The following OR6N1 variants were observed in gnomAD, a reference collection of about 807,000 sequenced individuals.
OR6N1 encodes olfactory receptor family 6 subfamily N member 1, also known as olfactory receptor 6N1.
For missense variants in OR6N1, 394 were observed against 371.7 expected (o/e 1.06, Z -0.49); for synonymous variants, 170 against 150.7 (o/e 1.13, Z -0.94).
At chr1:158,772,526 A>G (rs187358245), upstream of OR6N1, among the ~76,000 whole-genome samples, 1 of 152,360 alleles carries the variant, frequency 6.6e-6, no homozygotes, top group East Asian at 1.9e-4. Context: ...TAAGCATACA[A>G]CTTTCAATTA....
intron 1 of OR6N1, among the ~76,000 whole-genome samples, chr1:158,768,805 A>C (rs1424683673): frequency 1.3e-5 from 2 of 152,060 alleles, no homozygotes; most frequent in Non-Finnish European, 2.9e-5. Flanking sequence ...CCATCCTTAC[A>C]TCCATATTCT....
At chr1:158,781,587 ATT>A in the OR6N1 span, among the ~76,000 whole-genome samples, 2 of 152,150 alleles carry the variant, frequency 1.3e-5, no homozygotes, top group Non-Finnish European at 2.9e-5. Context: ...GCACTCTCAC[ATT>A]TCTTGACTCA....
chr1:158,838,625 T>C, the OR6N1 span, among the ~76,000 whole-genome samples: 3 of 152,244 alleles, frequency 2.0e-5, no homozygotes, highest in African/African-American at 7.2e-5. Context: ...CATTTAGTCT[T>C]TTCTCAAATT....
chr1:158,833,187 C>T, the OR6N1 span, among the ~76,000 whole-genome samples: 2 of 152,128 alleles, frequency 1.3e-5, no homozygotes, highest in Admixed American at 6.5e-5. Context: ...CTTGATCTTT[C>T]TTCCCTTTTG....
the OR6N1 span, among the ~76,000 whole-genome samples, chr1:158,837,030 T>C: frequency 6.6e-6 from 1 of 151,906 alleles, no homozygotes; most frequent in Non-Finnish European, 1.5e-5. Context: ...TGTTGATTTC[T>C]ACTTTTATTC....
chr1:158,791,500 T>G, the OR6N1 span, among the ~76,000 whole-genome samples: 2 of 147,744 alleles, frequency 1.4e-5, no homozygotes, highest in Non-Finnish European at 3.0e-5. Context: ...AGACAGAGTC[T>G]CACTCTGTCA....
chr1:158,783,342 G>C, the OR6N1 span, among the ~76,000 whole-genome samples: 1 of 152,066 alleles, frequency 6.6e-6, no homozygotes, highest in African/African-American at 2.4e-5. Flanking sequence ...TCTTAGACTG[G>C]TTCATCACTG....
chr1:158,813,515 G>A, the OR6N1 span, among the ~76,000 whole-genome samples: 1 of 151,962 alleles, frequency 6.6e-6, no homozygotes, highest in Non-Finnish European at 1.5e-5. Context: ...ATATTTGCTT[G>A]TTTTTACATA....
the OR6N1 span, among the ~76,000 whole-genome samples, chr1:158,838,407 C>T: frequency 6.6e-6 from 1 of 152,090 alleles, no homozygotes; most frequent in African/African-American, 2.4e-5. Flanking sequence ...TATTGTCCCA[C>T]TACCTTCTGG....
At chr1:158,795,947 T>C in the OR6N1 span, 1 of 152,250 alleles carries the variant, frequency 6.6e-6, no homozygotes, top group Non-Finnish European at 1.5e-5. Flanking sequence ...ACACACCATT[T>C]TGTCTTTCTA....
rs1301972644 is a variant in OR6N1, at chr1:158,765,062, AAAAT to A, written c.*678_*681del. 3.9e-5 allele frequency: 6 copies of A among 152,164 alleles called. No individual in the cohort carries two copies. Among genetic ancestry groups the A allele is most frequent in the Non-Finnish European group, 8.8e-5 (6 of 68,010 alleles). 9.4% of individuals were successfully genotyped at this position (152,164 alleles called of 1,614,324 possible). A position where few individuals can be genotyped will look rare whatever the true frequency, so the allele number is the denominator to read the frequency against. On this transcript the variant is annotated 3_prime_UTR_variant, in exon 2 of 2. Transcript: ENST00000641846. ...TAATGATGTGAAGTCTTCGCAGAAT[AAAAT>A]AAATAAAAACAAGTCCTTATTTATT... is the stretch of plus-strand genomic sequence containing the variant.
At chr1:158,838,844 T>C in the OR6N1 span, among the ~76,000 whole-genome samples, 1 of 152,174 alleles carries the variant, frequency 6.6e-6, no homozygotes, top group Admixed American at 6.5e-5. Flanking sequence ...TTCTTCTGCC[T>C]ATTGGTGTGG....
chr1:158,790,418 T>TTTTTTGTTTTTTTTTTTTTTTTTTTTA, the OR6N1 span, among the ~76,000 whole-genome samples: 1 of 150,530 alleles, frequency 6.6e-6, no homozygotes. Flanking sequence ...TTTTTTTTTT[T>TTTTTTGTTTTTTTTTTTTTTTTTTTTA]GAGACGGCAT....
the OR6N1 span, among the ~76,000 whole-genome samples, chr1:158,818,476 T>A: frequency 1.3e-5 from 2 of 152,324 alleles, 1 homozygote; most frequent in South Asian, 4.1e-4. Context: ...CTGTTCTGAA[T>A]AAGCCAGGAA....
At chr1:158,825,789 G>A in the OR6N1 span, among the ~76,000 whole-genome samples, 2 of 152,068 alleles carry the variant, frequency 1.3e-5, no homozygotes, top group African/African-American at 4.8e-5. Flanking sequence ...ATACCCAAAG[G>A]AATATACATC....
chr1:158,816,814 G>T, the OR6N1 span, among the ~76,000 whole-genome samples: 327 of 152,360 alleles, frequency 2.1e-3, 3 homozygotes, highest in African/African-American at 7.5e-3. Flanking sequence ...TATGGGCCTA[G>T]TTCAGATCCT....
At chr1:158,788,370 A>T in the OR6N1 span, among the ~76,000 whole-genome samples, 1 of 152,218 alleles carries the variant, frequency 6.6e-6, no homozygotes, top group African/African-American at 2.4e-5. Context: ...TATTAGACAT[A>T]TAAAATGTAA....
the OR6N1 span, among the ~76,000 whole-genome samples, chr1:158,800,440 A>T: frequency 3.3e-5 from 5 of 152,200 alleles, no homozygotes; most frequent in Admixed American, 6.5e-5. Flanking sequence ...TTTATTTAGG[A>T]TCCACCAAAT....
the OR6N1 span, among the ~76,000 whole-genome samples, chr1:158,801,618 T>C: frequency 1.3e-5 from 2 of 152,196 alleles, no homozygotes; most frequent in African/African-American, 2.4e-5. Context: ...AACATTGGGC[T>C]TAACCATTTC....
Sources: allele counts gnomAD v4.1 joint callset (sites outside exome capture counted in the v4.1 genomes callset), GRCh38; gene constraint gnomAD v4.1.1; transcripts MANE v1.5; gene names NCBI Gene and HGNC (gene_info 2026-07-23, HGNC 2026-07-21).